Variants in PPP3CA observed in about 807,000 individuals in gnomAD.
PPP3CA encodes CAM-PRP catalytic subunit.
In PPP3CA, 14 loss-of-function variants were observed where a neutral mutation model predicts 66.5. The observed-to-expected ratio is 0.21, with a 90% CI of 0.14 to 0.33. The LOEUF is 0.33. Ranked by LOEUF, PPP3CA falls within the 10% of genes least tolerant of loss-of-function variation. PPP3CA has a pLI of 1.00. For missense variants in PPP3CA, 317 were observed against 639.5 expected, an observed-to-expected ratio of 0.50 and a Z score of 5.44; for synonymous variants, 232 against 226.2, an observed-to-expected ratio of 1.03 and a Z score of -0.23.
At chr4:101,231,851 C>G (rs193263911) in intron 1 of PPP3CA, among the ~76,000 whole-genome samples, 11 of 151,728 alleles carry the variant, frequency 7.2e-5, no homozygotes, top group African/African-American at 2.4e-4. Context: ...TTAAAAATTC[C>G]TATTAAAACA....
chr4:101,239,562 A>G (rs1726234965), intron 1 of PPP3CA, among the ~76,000 whole-genome samples: 1 of 152,062 alleles, frequency 6.6e-6, no homozygotes, highest in South Asian at 2.1e-4. Flanking sequence ...ACACACCCAC[A>G]CAAAAGCAAG....
At chr4:101,095,553 G>T in intron 5 of PPP3CA, among the ~76,000 whole-genome samples, 1 of 152,106 alleles carries the variant, frequency 6.6e-6, no homozygotes, top group East Asian at 1.9e-4. Flanking sequence ...GGGATATTAG[G>T]TGATATTTTA....
chr4:101,032,617 A>AGAT (rs1263862056), intron 11 of PPP3CA, among the ~76,000 whole-genome samples: 1 of 151,326 alleles, frequency 6.6e-6, no homozygotes, highest in African/African-American at 2.4e-5. Flanking sequence ...TGAGTATCGA[A>AGAT]GCTAGATAGA....
intron 5 of PPP3CA, among the ~76,000 whole-genome samples, chr4:101,097,306 T>C (rs1363798955): frequency 2.6e-5 from 4 of 152,096 alleles, no homozygotes; most frequent in Non-Finnish European, 5.9e-5. Context: ...TTAGAATTAT[T>C]TTCACCCCTC....
At chr4:101,036,784 T>C (rs756376545) in intron 11 of PPP3CA, among the ~76,000 whole-genome samples, 1 of 152,214 alleles carries the variant, frequency 6.6e-6, no homozygotes, top group African/African-American at 2.4e-5. Flanking sequence ...TCTACATAAA[T>C]GCTCTGCCAA....
intron 6 of PPP3CA, among the ~76,000 whole-genome samples, chr4:101,092,852 A>G (rs891087090): frequency 1.3e-5 from 2 of 152,122 alleles, no homozygotes; most frequent in Admixed American, 6.5e-5. Context: ...TCTCCAGTCT[A>G]TCATTGATGA....
At chr4:101,218,386 TA>T (rs1725517601) in intron 1 of PPP3CA, among the ~76,000 whole-genome samples, 1 of 152,058 alleles carries the variant, frequency 6.6e-6, no homozygotes, top group Admixed American at 6.6e-5. Flanking sequence ...AAAAACCCGT[TA>T]AAAACTGAAT....
In PPP3CA at chr4:101,067,282, T is replaced by C. The variant is rs200888422; in HGVS notation, c.956-3925A>G. 3.3e-5 allele frequency among the ~76,000 whole-genome samples: 5 copies of C among 152,110 alleles called. No individual in the cohort carries two copies. In the East Asian group the frequency reaches 9.6e-4, roughly 29 times the overall value. ...CATTTTTATAGTACCTGTAGAACCCTGTGTTCAAAGACATGCTGTAAAAGA... is the reference window on the plus strand; with the variant it reads ...CATTTTTATAGTACCTGTAGAACCCCGTGTTCAAAGACATGCTGTAAAAGA... On this transcript the variant is annotated intron_variant, in intron 8 of 13. Coordinates refer to ENST00000394854, the MANE Select transcript of PPP3CA (RefSeq NM_000944.5).
intron 10 of PPP3CA, among the ~76,000 whole-genome samples, chr4:101,042,018 A>G (rs1727545105): frequency 1.3e-5 from 2 of 152,044 alleles, no homozygotes; most frequent in Admixed American, 1.3e-4. Flanking sequence ...AAGGGTTTTG[A>G]AAAAAAGATT....
At chr4:101,085,884 A>C (rs1310215465) in intron 6 of PPP3CA, among the ~76,000 whole-genome samples, 2 of 152,046 alleles carry the variant, frequency 1.3e-5, no homozygotes, top group Admixed American at 6.6e-5. Context: ...AAAGAGCGAG[A>C]GAGAGAGAAC....
intron 2 of PPP3CA, among the ~76,000 whole-genome samples, chr4:101,175,543 T>G (rs1233994630): frequency 2.0e-5 from 3 of 152,182 alleles, no homozygotes; most frequent in Admixed American, 1.3e-4. Flanking sequence ...AATGCTGTAT[T>G]ATAACTCTAT....
In PPP3CA at chr4:101,268,308, A is replaced by C. The variant is rs186105726; in HGVS notation, c.59-72192T>G. On this transcript the variant is annotated intron_variant, in intron 1 of 13. Coordinates refer to ENST00000394854, the MANE Select transcript of PPP3CA (RefSeq NM_000944.5). ...CTTTTCTGCAAAAATACCTGCACCTAATCATCGGTGAGAGAAGTCTGAGAA... is the reference window on the plus strand; with the variant it reads ...CTTTTCTGCAAAAATACCTGCACCTCATCATCGGTGAGAGAAGTCTGAGAA... Among the ~76,000 whole-genome samples the C allele has an allele frequency of 2.7e-3, 414 of 152,256 alleles. 4 individuals are homozygous for C. Among genetic ancestry groups the C allele is most frequent in the African/African-American group, 9.3e-3 (388 of 41,550 alleles).
At chr4:101,036,088 T>C (rs759369604) in intron 11 of PPP3CA, among the ~76,000 whole-genome samples, 48 of 152,222 alleles carry the variant, frequency 3.2e-4, no homozygotes, top group Non-Finnish European at 6.6e-4. Context: ...AAAGATGTAG[T>C]ACAAATATAA....
intron 8 of PPP3CA, among the ~76,000 whole-genome samples, chr4:101,080,213 T>G (rs1029386551): frequency 1.3e-5 from 2 of 152,200 alleles, no homozygotes; most frequent in African/African-American, 2.4e-5. Flanking sequence ...CAAATTCTTT[T>G]TAAGAAGCAT....
intron 1 of PPP3CA, among the ~76,000 whole-genome samples, chr4:101,232,077 A>C (rs1578576860): frequency 6.6e-6 from 1 of 151,686 alleles, no homozygotes; most frequent in South Asian, 2.1e-4. Context: ...CTCAGCACCT[A>C]AACCCTACTT....
chr4:101,315,851 A>AT lies in PPP3CA; in HGVS notation c.58+30887_58+30888insA, dbSNP rs370549539. 3.0e-3 allele frequency among the ~76,000 whole-genome samples: 450 copies of AT among 151,898 alleles called. 4 individuals are homozygous for AT. The highest frequency in any genetic ancestry group is 0.01 in the African/African-American group (427 of 41,402). ...GTTGGGCCAGTACAGCCCCTTCCTCACCCCCTTTTCTGCTCATCACTAGAA... is the reference window on the plus strand; with the variant it reads ...GTTGGGCCAGTACAGCCCCTTCCTCATCCCCCTTTTCTGCTCATCACTAGAA... On this transcript the variant is annotated intron_variant, in intron 1 of 13. Coordinates refer to ENST00000394854, the MANE Select transcript of PPP3CA (RefSeq NM_000944.5).
chr4:101,309,077 T>C (rs1728636533), intron 1 of PPP3CA, among the ~76,000 whole-genome samples: 1 of 152,044 alleles, frequency 6.6e-6, no homozygotes, highest in African/African-American at 2.4e-5. Flanking sequence ...CAGTGAGCCA[T>C]GATTGCACCA....
chr4:101,166,161 T>C (rs576953730), intron 2 of PPP3CA, among the ~76,000 whole-genome samples: 1 of 152,218 alleles, frequency 6.6e-6, no homozygotes, highest in South Asian at 2.1e-4. Flanking sequence ...GGCAAAGAAA[T>C]TCTTCCCACT....
chr4:101,326,484 G>A (rs753474817), intron 1 of PPP3CA, among the ~76,000 whole-genome samples: 30 of 152,276 alleles, frequency 2.0e-4, no homozygotes, highest in Non-Finnish European at 4.3e-4. Context: ...CCAATTTTAA[G>A]AGAAGCAAAA....
Sources: gnomAD v4.1 joint callset for allele counts (sites outside exome capture counted in the v4.1 genomes callset) on GRCh38, gnomAD v4.1.1 for gene constraint, MANE v1.5 for transcripts, NCBI Gene and HGNC (gene_info 2026-07-23, HGNC 2026-07-21) for gene names.